Variants in HTT-AS observed in about 807,000 individuals in gnomAD.
HTT-AS encodes the protein HTT antisense RNA (head to head).
downstream of HTT-AS, among the ~76,000 whole-genome samples, chr4:3,046,745 C>T (rs1229207231): frequency 6.6e-6 from 1 of 151,002 alleles, no homozygotes; most frequent in Non-Finnish European, 1.5e-5. Flanking sequence ...ATAGGGGAAT[C>T]TGTTAGGATC....
chr4:3,049,575 G>C (rs1265353723), exon 3 of HTT-AS, among the ~76,000 whole-genome samples: 1 of 152,134 alleles, frequency 6.6e-6, no homozygotes, highest in African/African-American at 2.4e-5. Context: ...TTCCAGGAGT[G>C]TGGATGGACC....
chr4:3,070,657 G>T (rs1377352225), intron 1 of HTT-AS, among the ~76,000 whole-genome samples: 1 of 152,160 alleles, frequency 6.6e-6, no homozygotes, highest in Non-Finnish European at 1.5e-5. Flanking sequence ...TCTACATGGT[G>T]TGTAGTCGGC....
At chr4:3,064,096 G>GTT (rs368155721) in intron 1 of HTT-AS, among the ~76,000 whole-genome samples, 63,469 of 135,744 alleles carry the variant, frequency 0.47, 15,732 homozygotes, top group South Asian at 0.66. Context: ...AAATAATAAA[G>GTT]TTTTTTTTTT....
intron 1 of HTT-AS, among the ~76,000 whole-genome samples, chr4:3,073,044 G>A (rs951595647): frequency 5.9e-5 from 9 of 152,188 alleles, no homozygotes; most frequent in African/African-American, 2.2e-4. Context: ...TCCCACATCA[G>A]CCTCCCAAGA....
chr4:3,063,429 A>G (rs973405885), exon 2 of HTT-AS: 9 of 152,340 alleles, frequency 5.9e-5, no homozygotes, highest in African/African-American at 1.7e-4. Flanking sequence ...ATGTCAGTCT[A>G]TCTGTCAGTG....
At chr4:3,063,768 C>T (rs1711988673) in intron 1 of HTT-AS, 1 of 152,132 alleles carries the variant, frequency 6.6e-6, no homozygotes, top group South Asian at 2.1e-4. Flanking sequence ...AACTCTTGGC[C>T]TCAAGCAATC....
At chr4:3,052,911 G>A (rs1336261527) in intron 2 of HTT-AS, among the ~76,000 whole-genome samples, 1 of 152,086 alleles carries the variant, frequency 6.6e-6, no homozygotes. Context: ...CAGAAGAATC[G>A]CTTTAACCCA....
chr4:3,064,643 AGAG>A (rs775163787), intron 1 of HTT-AS, among the ~76,000 whole-genome samples: 3 of 152,244 alleles, frequency 2.0e-5, no homozygotes, highest in Non-Finnish European at 4.4e-5. Context: ...GATATTTTCA[AGAG>A]AAGAAGTAAA....
At position 3,051,653 on chromosome 4, in the gene HTT-AS, T is replaced by TA. The variant is rs35425809; in HGVS notation, n.1381-1956dup. 7.7e-3 allele frequency among the ~76,000 whole-genome samples: 1,126 copies of TA among 146,058 alleles called. 20 individuals are homozygous for TA. Among genetic ancestry groups the TA allele is most frequent in the South Asian group, 4.7e-3 (22 of 4,632 alleles). ...GTGTGTTCAAACTGGTTGAATGAAT[T>TA]AAAAAAAAAAAAATCACTGCTTATC... is the stretch of plus-strand genomic sequence containing the variant. On this transcript the variant is annotated intron_variant and non_coding_transcript_variant, in intron 2 of 2. Transcript: ENST00000664062.
At chr4:3,053,457 CAGG>C (rs1195316301) in intron 2 of HTT-AS, among the ~76,000 whole-genome samples, 2 of 152,196 alleles carry the variant, frequency 1.3e-5, no homozygotes, top group African/African-American at 4.8e-5. Context: ...CACTTGAACT[CAGG>C]AGGTGGAGGT....
intron 2 of HTT-AS, among the ~76,000 whole-genome samples, chr4:3,061,976 T>C (rs1341655101): frequency 1.7e-5 from 2 of 119,052 alleles, no homozygotes; most frequent in Non-Finnish European, 3.3e-5. Context: ...GGCAAGACTC[T>C]ATCTCAAATT....
At chr4:3,052,562 G>A (rs1332542810) in intron 2 of HTT-AS, among the ~76,000 whole-genome samples, 1 of 152,094 alleles carries the variant, frequency 6.6e-6, no homozygotes, top group Non-Finnish European at 1.5e-5. Context: ...TTTTTACTTG[G>A]GGGTATCAGA....
rs138598771 is a variant in HTT-AS, at chr4:3,067,277, GAGA to G, written n.114-3580_114-3578del. 4.3e-3 allele frequency among the ~76,000 whole-genome samples: 650 copies of G among 152,308 alleles called. 6 individuals carry two copies. Among genetic ancestry groups the G allele is most frequent in the African/African-American group, 0.014 (601 of 41,566 alleles). Reference sequence around the variant, plus strand: ...ATTTATTTGGAGTACCAGGGAGAGAGAGAAGGAGAAGAACAGAAGCCGTGTTTC... The same window carrying G: ...ATTTATTTGGAGTACCAGGGAGAGAGAGGAGAAGAACAGAAGCCGTGTTTC... On this transcript the variant is annotated intron_variant and non_coding_transcript_variant, in intron 1 of 2. Transcript: ENST00000664062.
intron 2 of HTT-AS, among the ~76,000 whole-genome samples, chr4:3,053,908 T>A (rs537842783): frequency 6.6e-6 from 1 of 151,986 alleles, no homozygotes; most frequent in Non-Finnish European, 1.5e-5. Flanking sequence ...TATAGGCATA[T>A]GCCACCATGC....
intron 1 of HTT-AS, among the ~76,000 whole-genome samples, chr4:3,065,241 T>C (rs1168576421): frequency 2.0e-5 from 3 of 151,198 alleles, no homozygotes; most frequent in African/African-American, 4.9e-5. Flanking sequence ...CTAGTTTCTT[T>C]CTTCTTTTTT....
intron 1 of HTT-AS, among the ~76,000 whole-genome samples, chr4:3,073,674 C>T (rs1712261300): frequency 1.3e-5 from 2 of 151,924 alleles, no homozygotes; most frequent in South Asian, 4.2e-4. Context: ...CGATGGGGGG[C>T]GCCAGGCCTG....
At chr4:3,068,278 C>T (rs910874568) in intron 1 of HTT-AS, among the ~76,000 whole-genome samples, 1 of 136,468 alleles carries the variant, frequency 7.3e-6, no homozygotes, top group Non-Finnish European at 1.5e-5. Flanking sequence ...TGCACTCCAG[C>T]CTGGGTGACA....
At chr4:3,055,484 G>C (rs112429770) in intron 2 of HTT-AS, among the ~76,000 whole-genome samples, 1 of 152,160 alleles carries the variant, frequency 6.6e-6, no homozygotes, top group Non-Finnish European at 1.5e-5. Context: ...TTTGGATTGC[G>C]ATAGTAACTA....
chr4:3,053,652 T>C (rs1417547222), intron 2 of HTT-AS, among the ~76,000 whole-genome samples: 4 of 152,142 alleles, frequency 2.6e-5, no homozygotes, highest in African/African-American at 7.2e-5. Context: ...TTTTAGTGCA[T>C]GTAACTTCAG....
Sources: gnomAD v4.1 joint callset for allele counts (sites outside exome capture counted in the v4.1 genomes callset) on GRCh38, gnomAD v4.1.1 for gene constraint, MANE v1.5 for transcripts, NCBI Gene and HGNC (gene_info 2026-07-23, HGNC 2026-07-21) for gene names.